ZFPM2: variants seen among roughly 807,000 people sequenced by gnomAD.
ZFPM2 encodes zinc finger protein ZFPM2.
Under a neutral mutation model 98.6 loss-of-function variants are expected in ZFPM2, and 20 were observed. The ratio of observed to expected loss-of-function variants is 0.20; its 90% CI spans 0.14 to 0.29. The LOEUF (loss-of-function observed/expected upper bound fraction) is 0.29. Among genes scored for constraint, ZFPM2 ranks in the 10% least tolerant of loss-of-function variants. ZFPM2 has a pLI of 1.00. For missense variants in ZFPM2, 1,310 were observed against 1,388.6 expected (o/e 0.94, Z 0.90); for synonymous variants, 518 against 502.7 (o/e 1.03, Z -0.41).
At chr8:105,425,272 G>A (rs1185838593) in intron 2 of ZFPM2, among the ~76,000 whole-genome samples, 2 of 152,132 alleles carry the variant, frequency 1.3e-5, no homozygotes, top group South Asian at 2.1e-4. Flanking sequence ...GTTTGTATAC[G>A]CCTGGAGAAG....
chr8:105,516,709 C>T (rs1341705133), intron 3 of ZFPM2, among the ~76,000 whole-genome samples: 5 of 151,790 alleles, frequency 3.3e-5, no homozygotes, highest in South Asian at 2.1e-4. Context: ...CTTTTTTTGG[C>T]GAGGGTTGCT....
intron 5 of ZFPM2, among the ~76,000 whole-genome samples, chr8:105,774,616 G>A (rs1432064493): frequency 6.6e-6 from 1 of 152,108 alleles, no homozygotes; most frequent in Non-Finnish European, 1.5e-5. Flanking sequence ...ATTGTGGTTT[G>A]TAAAAATAAG....
chr8:105,576,939 C>T (rs746086629), intron 4 of ZFPM2, among the ~76,000 whole-genome samples: 8 of 151,864 alleles, frequency 5.3e-5, no homozygotes, highest in Admixed American at 1.3e-4. Flanking sequence ...TATTAGTTTC[C>T]TTTATAGTGG....
intron 4 of ZFPM2, among the ~76,000 whole-genome samples, chr8:105,631,146 C>T (rs1816747670): frequency 6.6e-6 from 1 of 152,098 alleles, no homozygotes; most frequent in Admixed American, 6.6e-5. Flanking sequence ...TAACAAAATC[C>T]TTGCACAAGT....
intron 3 of ZFPM2, among the ~76,000 whole-genome samples, chr8:105,487,396 G>A (rs894927310): frequency 6.6e-6 from 1 of 152,088 alleles, no homozygotes; most frequent in Admixed American, 6.6e-5. Flanking sequence ...TGGGATTACA[G>A]GTGTGAGCCA....
chr8:105,663,737 C>T (rs1450024022), intron 5 of ZFPM2, among the ~76,000 whole-genome samples: 2 of 152,032 alleles, frequency 1.3e-5, no homozygotes, highest in East Asian at 3.8e-4. Context: ...AGTAACTTTG[C>T]CAAAGTTTCA....
At chr8:105,492,424 T>TA (rs2130436314) in intron 3 of ZFPM2, among the ~76,000 whole-genome samples, 1 of 152,286 alleles carries the variant, frequency 6.6e-6, no homozygotes, top group African/African-American at 2.4e-5. Flanking sequence ...CTAAAATATG[T>TA]AAACCTGAAA....
At chr8:105,640,756 G>T (rs574023977) in intron 5 of ZFPM2, among the ~76,000 whole-genome samples, 65 of 151,928 alleles carry the variant, frequency 4.3e-4, no homozygotes, top group Non-Finnish European at 8.5e-4. Context: ...CAATAGCTTT[G>T]TCTAATGTGG....
chr8:105,611,824 G>A lies in ZFPM2; in HGVS notation c.421-22422G>A, dbSNP rs553885197. Among the ~76,000 whole-genome samples, 43 of 151,324 alleles carry A rather than the reference G, an allele frequency of 2.8e-4. No individual in the cohort carries two copies. The Middle Eastern group carries it at 0.01, about 36-fold the overall frequency. On this transcript the variant is annotated intron_variant, in intron 4 of 7. Transcript: ENST00000407775. ...AGCGATTCTCCTGCCTCAGCTTCCC[G>A]AGTAGCTGGGATTACAGGCACCCAC... is the stretch of plus-strand genomic sequence containing the variant.
intron 1 of ZFPM2, among the ~76,000 whole-genome samples, chr8:105,409,064 G>A (rs946776138): frequency 9.9e-5 from 15 of 151,842 alleles, no homozygotes; most frequent in African/African-American, 3.1e-4. Flanking sequence ...GCCAGGACCT[G>A]TCCCCTCAAT....
chr8:105,684,224 T>G (rs573539811), intron 5 of ZFPM2, among the ~76,000 whole-genome samples: 133 of 152,298 alleles, frequency 8.7e-4, no homozygotes, highest in African/African-American at 3.0e-3. Flanking sequence ...AGTTAGTTAT[T>G]ACTTAATTTG....
intron 6 of ZFPM2, among the ~76,000 whole-genome samples, chr8:105,794,695 A>C (rs934546050): frequency 2.6e-5 from 4 of 152,360 alleles, no homozygotes; most frequent in African/African-American, 9.6e-5. Flanking sequence ...TGGAGCCTAC[A>C]GAGGCAGGCA....
chr8:105,378,248 A>G (rs10955391), intron 1 of ZFPM2, among the ~76,000 whole-genome samples: 6,167 of 152,286 alleles, frequency 0.04, 177 homozygotes, highest in Non-Finnish European at 0.063. Context: ...GGGGTGAACT[A>G]AGAATTAGGG....
rs180778663 is a variant in ZFPM2, at chr8:105,612,312, A to G, written c.421-21934A>G. On this transcript the variant is annotated intron_variant, in intron 4 of 7. Transcript: ENST00000407775. ...TAGCTGATTTGCTATTACGCATTATAAAAGTGCATTGGTTTTCATGTTTGT... is the reference window on the plus strand; with the variant it reads ...TAGCTGATTTGCTATTACGCATTATGAAAGTGCATTGGTTTTCATGTTTGT... 2.4e-4 allele frequency among the ~76,000 whole-genome samples: 37 copies of G among 152,296 alleles called. No individual in the cohort carries two copies. In the East Asian group the frequency reaches 6.8e-3, roughly 28 times the overall value.
At chr8:105,639,443 A>G (rs16873453) in intron 5 of ZFPM2, among the ~76,000 whole-genome samples, 31,039 of 151,946 alleles carry the variant, frequency 0.2, 3,171 homozygotes, top group South Asian at 0.25. Context: ...CTGTCAATCA[A>G]GAGAGTGAAA....
intron 5 of ZFPM2, among the ~76,000 whole-genome samples, chr8:105,653,822 G>A (rs892762534): frequency 1.3e-5 from 1 of 76,428 alleles, no homozygotes; most frequent in East Asian, 4.3e-4. Context: ...AGTTCTTCCT[G>A]TTTTGTCTTT....
At chr8:105,744,176 A>G (rs1220362522) in intron 5 of ZFPM2, among the ~76,000 whole-genome samples, 1 of 152,050 alleles carries the variant, frequency 6.6e-6, no homozygotes, top group African/African-American at 2.4e-5. Flanking sequence ...GGGTCCATGG[A>G]GGAACTCTGT....
intron 2 of ZFPM2, among the ~76,000 whole-genome samples, chr8:105,443,287 T>TTGTC (rs1812292369): frequency 7.4e-6 from 1 of 135,440 alleles, no homozygotes; most frequent in South Asian, 2.3e-4. Context: ...CCAGCCTGAG[T>TTGTC]GACAGAGCGA....
intron 4 of ZFPM2, among the ~76,000 whole-genome samples, chr8:105,599,415 T>A (rs1285507029): frequency 3.8e-5 from 5 of 131,052 alleles, no homozygotes; most frequent in African/African-American, 1.1e-4. Flanking sequence ...AAATGAAGGC[T>A]GTGGTGTTCC....
Sources: allele counts gnomAD v4.1 joint callset (sites outside exome capture counted in the v4.1 genomes callset), GRCh38; gene constraint gnomAD v4.1.1; transcripts MANE v1.5; gene names NCBI Gene and HGNC (gene_info 2026-07-23, HGNC 2026-07-21).